The following AHI1 variants were observed in gnomAD, a reference collection of about 807,000 sequenced individuals.
AHI1 encodes the protein jouberin.
In AHI1, 123 loss-of-function variants were observed where a neutral mutation model predicts 149.3. The observed-to-expected ratio is 0.82, with a 90% confidence interval of 0.71 to 0.96. The LOEUF (loss-of-function observed/expected upper bound fraction) is 0.96, where lower values mean the gene tolerates loss of function less well. Among genes scored for constraint, AHI1 ranks in the 40% least tolerant of loss-of-function variants. The pLI is 0.00. For synonymous variants in AHI1, 475 were observed against 459.8 expected, an observed-to-expected ratio of 1.03 and a Z score of -0.42; for missense variants, 1,439 against 1,422.7, an observed-to-expected ratio of 1.01 and a Z score of -0.18.
intron 13 of AHI1, among the ~76,000 whole-genome samples, chr6:135,444,040 C>T (rs937553191): frequency 2.0e-5 from 3 of 152,160 alleles, no homozygotes; most frequent in African/African-American, 7.2e-5. Context: ...ACTCTGTGCC[C>T]TATCCACAAC....
At chr6:135,302,406 T>C (rs1783989747) in intron 26 of AHI1, 3 of 989,396 alleles carry the variant, frequency 3.0e-6, no homozygotes, top group Non-Finnish European at 3.6e-6. Flanking sequence ...GAAAAATGAA[T>C]AATATGTTGC....
intron 27 of AHI1, among the ~76,000 whole-genome samples, chr6:135,298,979 T>C (rs1264440652): frequency 1.3e-5 from 2 of 152,150 alleles, no homozygotes; most frequent in Non-Finnish European, 2.9e-5. Context: ...GTGTTAAACA[T>C]GGTCATTTTT....
At chr6:135,318,736 A>G (rs1237198062) in intron 25 of AHI1, 120 bp from the exon 26 acceptor site, 1 of 589,602 alleles carries the variant, frequency 1.7e-6, no homozygotes, top group Non-Finnish European at 2.9e-6. Flanking sequence ...TCCTTGGTGT[A>G]CCAATAAGAT....
chr6:135,291,333 T>C (rs1782326462), intron 27 of AHI1, among the ~76,000 whole-genome samples: 1 of 152,238 alleles, frequency 6.6e-6, no homozygotes, highest in African/African-American at 2.4e-5. Flanking sequence ...CCTGAACTCC[T>C]AATGTAACTG....
Position 135,284,390 on chromosome 6 carries a change from G to T in AHI1, c.*1255C>A. 1 of 152,100 alleles carries T rather than the reference G, an allele frequency of 6.6e-6. No homozygotes were observed. The highest frequency in any genetic ancestry group is 1.9e-4 in the East Asian group (1 of 5,204). 9.4% of individuals were successfully genotyped at this position (152,100 alleles called of 1,614,324 possible). A position where few individuals can be genotyped will look rare whatever the true frequency, so the allele number is the denominator to read the frequency against. On this transcript the variant is annotated 3_prime_UTR_variant, in exon 29 of 29. Transcript: ENST00000265602. ...TCTCACTTCTTATTTTAATGGAATTGACTGTCTAATTTGGATAGGTCTTTC... is the reference window on the plus strand; with the variant it reads ...TCTCACTTCTTATTTTAATGGAATTTACTGTCTAATTTGGATAGGTCTTTC...
At chr6:135,390,824 T>C (rs544034732) in intron 23 of AHI1, among the ~76,000 whole-genome samples, 1 of 152,338 alleles carries the variant, frequency 6.6e-6, no homozygotes, top group Non-Finnish European at 1.5e-5. Context: ...AATAAGGATA[T>C]ATATGAAAGC....
At chr6:135,302,737 C>T (rs923284198) in intron 26 of AHI1, 23 of 1,279,752 alleles carry the variant, frequency 1.8e-5, no homozygotes, top group Middle Eastern at 2.2e-4. Flanking sequence ...AGCAGCAGCA[C>T]GTCATATAGG....
intron 27 of AHI1, among the ~76,000 whole-genome samples, chr6:135,295,462 T>A (rs1782963940): frequency 6.6e-6 from 1 of 152,062 alleles, no homozygotes; most frequent in African/African-American, 2.4e-5. Context: ...AGTGATATGA[T>A]GTTAAACAAA....
intron 20 of AHI1, among the ~76,000 whole-genome samples, chr6:135,426,862 G>A (rs1393170362): frequency 1.3e-5 from 2 of 151,630 alleles, no homozygotes; most frequent in Non-Finnish European, 3.0e-5. Flanking sequence ...AAAACTATGT[G>A]CTTTAGTAAC....
At chr6:135,348,610 G>A (rs1471792128) in intron 24 of AHI1, among the ~76,000 whole-genome samples, 1 of 152,082 alleles carries the variant, frequency 6.6e-6, no homozygotes, top group Non-Finnish European at 1.5e-5. Context: ...TTTTGATTTT[G>A]TGCACTGTTT....
In AHI1 at chr6:135,409,746, A is replaced by G. The variant is rs191933761; in HGVS notation, c.2961+1602T>C. 1.9e-4 allele frequency among the ~76,000 whole-genome samples: 29 copies of G among 152,302 alleles called. No individual in the cohort carries two copies. The East Asian group carries it at 3.3e-3, about 17-fold the overall frequency. ...GATTTTTCTTTAAGAAATCTTTAAA[A>G]ATCAAGCGATTTCACTAGGATATTT... On this transcript the variant is annotated intron_variant, in intron 21 of 28. Coordinates refer to ENST00000265602, the MANE Select transcript of AHI1 (RefSeq NM_001134831.2).
chr6:135,414,316 C>T (rs1251710511), intron 20 of AHI1, among the ~76,000 whole-genome samples: 1 of 152,088 alleles, frequency 6.6e-6, no homozygotes, highest in Non-Finnish European at 1.5e-5. Flanking sequence ...AACCACAGAT[C>T]TAAATGTAAA....
At chr6:135,314,121 T>C (rs1459550783) in intron 26 of AHI1, among the ~76,000 whole-genome samples, 1 of 152,236 alleles carries the variant, frequency 6.6e-6, no homozygotes, top group Admixed American at 6.5e-5. Flanking sequence ...AACCTTATGT[T>C]TATGTTATGG....
intron 24 of AHI1, among the ~76,000 whole-genome samples, chr6:135,336,724 G>T (rs1789447076): frequency 2.0e-5 from 3 of 152,090 alleles, no homozygotes; most frequent in African/African-American, 7.2e-5. Flanking sequence ...CCTCAGTTGG[G>T]TTTTCTCTCA....
At chr6:135,405,875 G>GAAAAAAAAAAAAAAAAAAA (rs561001090) in intron 21 of AHI1, among the ~76,000 whole-genome samples, 1 of 109,138 alleles carries the variant, frequency 9.2e-6, no homozygotes. Flanking sequence ...AAAAAAAAAA[G>GAAAAAAAAAAAAAAAAAAA]AAAAAAAAAA....
chr6:135,295,231 T>A (rs564700777), intron 27 of AHI1, among the ~76,000 whole-genome samples: 1 of 152,160 alleles, frequency 6.6e-6, no homozygotes, highest in Non-Finnish European at 1.5e-5. Context: ...TATCTCTACA[T>A]GTATTGGAAT....
At chr6:135,335,141 G>GTTAT (rs957758120) in intron 24 of AHI1, among the ~76,000 whole-genome samples, 1 of 152,128 alleles carries the variant, frequency 6.6e-6, no homozygotes, top group Non-Finnish European at 1.5e-5. Context: ...TGCTTTCTGA[G>GTTAT]TTATTAGCTT....
rs908259399 is a variant in AHI1 at position 135,368,286 on chromosome 6, T to G, written c.3110-10099A>C. Among the ~76,000 whole-genome samples the G allele has an allele frequency of 3.3e-5, 5 of 152,054 alleles. No homozygotes were observed. The South Asian group carries it at 1.0e-3, about 32-fold the overall frequency. ...ATTCTGTGATGGTCCTTGGTTGTAG[T>G]TTTGTTTAGTGTGCTGGTTTTGTGT... On this transcript the variant is annotated intron_variant, in intron 23 of 28. Transcript: ENST00000265602.
In AHI1 at chr6:135,358,185, T is replaced by G. The variant is rs1383708769; in HGVS notation, c.3112A>C (p.Ile1038Leu). ...LHQFGFTQTG[I>L]ISIERKPCNH... ...CAAGGCTTTCTTTCTATGCTGATAA[T>G]CCCTGTGGAAAGAAAACATTGTGAG... Residue 1038 changes from isoleucine (I) to leucine (L), a missense_variant and splice_region_variant, in exon 24 of 29, where the codon ATT becomes CTT. Physicochemically the swap from Ile to Leu is conservative, Grantham distance 5. Coordinates refer to ENST00000265602, the MANE Select transcript of AHI1 (RefSeq NM_001134831.2). 4.3e-6 allele frequency: 7 copies of G among 1,612,158 alleles called. No homozygotes were observed. Among genetic ancestry groups the G allele is most frequent in the Non-Finnish European group, 5.9e-6 (7 of 1,179,086 alleles).
Sources: gnomAD v4.1 joint callset for allele counts (sites outside exome capture counted in the v4.1 genomes callset) on GRCh38, gnomAD v4.1.1 for gene constraint, MANE v1.5 for transcripts, NCBI Gene and HGNC (gene_info 2026-07-23, HGNC 2026-07-21) for gene names.